Variants in SDK1 observed in about 807,000 individuals in gnomAD.
SDK1 encodes the protein sidekick cell adhesion molecule 1, also known as protein sidekick-1.
A neutral mutation model predicts 245.5 loss-of-function variants in SDK1; 157 were observed. The observed-to-expected ratio is 0.64, with a 90% CI of 0.56 to 0.73. SDK1 has a LOEUF of 0.73. SDK1 is among the 30% of genes least tolerant of loss of function. The probability of loss-of-function intolerance (pLI) is 0.00; values close to 1 mark genes in which losing one functional copy is unlikely to be tolerated. For missense variants in SDK1, 3,583 were observed against 3,002.3 expected (o/e 1.19, Z -4.52); for synonymous variants, 1,647 against 1,278.5 (o/e 1.29, Z -6.15).
chr7:3,355,274 C>T (rs1780760467), intron 1 of SDK1, among the ~76,000 whole-genome samples: 1 of 152,200 alleles, frequency 6.6e-6, no homozygotes, highest in Non-Finnish European at 1.5e-5. Context: ...TAAAATGTAG[C>T]TATCCACTGA....
In SDK1 at chr7:4,208,238, G is replaced by A. The variant is rs368890852; in HGVS notation, c.5354G>A (p.Gly1785Glu). 3 of 1,614,038 alleles carry A rather than the reference G, an allele frequency of 1.9e-6. No homozygotes were observed. The highest frequency in any genetic ancestry group is 4.5e-5 in the East Asian group (2 of 44,878). ...LVSISAFNAAGDGPKSDPQQG... is the reference protein window; with the variant it reads ...LVSISAFNAAEDGPKSDPQQG... ...AGCATATCAGCCTTCAACGCCGCCG[G>A]AGATGGACCTAAGAGTGACCCCCAG... The change falls in exon 37 of 45, where the codon GGA becomes GAA. Residue 1785 changes from glycine to glutamate, a missense_variant. By Grantham distance (98) the Gly-to-Glu change is moderately conservative (BLOSUM62 -2). Coordinates refer to ENST00000404826, the MANE Select transcript of SDK1 (RefSeq NM_152744.4).
chr7:4,133,377 G>A (rs757038641), intron 28 of SDK1, among the ~76,000 whole-genome samples: 1 of 152,212 alleles, frequency 6.6e-6, no homozygotes, highest in East Asian at 1.9e-4. Context: ...ATGTACAGTG[G>A]GGGGTGAGGA....
intron 38 of SDK1, among the ~76,000 whole-genome samples, chr7:4,211,062 G>A (rs148911205): frequency 0.013 from 2,023 of 152,248 alleles, 23 homozygotes; most frequent in Middle Eastern, 0.024. Context: ...CACAGCACAC[G>A]GGGCTATGGC....
In SDK1 at chr7:3,560,884, C is replaced by T. The variant is rs1026477161; in HGVS notation, c.299-58196C>T. The stretch of plus-strand genomic sequence containing the variant: ...GCTCTTCCCGAAGGTGTCCAGATGG[C>T]TGTTTCCTACACTTCCTTTGAGTCT... On this transcript the variant is annotated intron_variant, in intron 1 of 44. Coordinates refer to ENST00000404826, the MANE Select transcript of SDK1 (RefSeq NM_152744.4). Among the ~76,000 whole-genome samples the T allele has an allele frequency of 7.2e-5, 11 of 152,332 alleles. No individual in the cohort carries two copies. In the Middle Eastern group the frequency reaches 0.01, roughly 141 times the overall value.
intron 1 of SDK1, among the ~76,000 whole-genome samples, chr7:3,536,299 C>G (rs1457451793): frequency 6.6e-6 from 1 of 151,932 alleles, no homozygotes; most frequent in African/African-American, 2.4e-5. Flanking sequence ...ATCTCCTGAC[C>G]TTGTGATCTG....
chr7:3,562,132 AATAGAACTT>A (rs1779769780), intron 1 of SDK1, among the ~76,000 whole-genome samples: 1 of 152,172 alleles, frequency 6.6e-6, no homozygotes, highest in Non-Finnish European at 1.5e-5. Flanking sequence ...TCACCTGGGG[AATAGAACTT>A]GGATGTTTCG....
At chr7:3,463,823 G>T (rs186375519) in intron 1 of SDK1, among the ~76,000 whole-genome samples, 6 of 152,156 alleles carry the variant, frequency 3.9e-5, no homozygotes, top group African/African-American at 1.4e-4. Flanking sequence ...ACAGGCCATA[G>T]GAGGAGGGTC....
intron 5 of SDK1, among the ~76,000 whole-genome samples, chr7:3,895,641 T>C (rs1284914167): frequency 7.2e-6 from 1 of 139,322 alleles, no homozygotes; most frequent in Non-Finnish European, 1.5e-5. Flanking sequence ...CTTCTTCTTC[T>C]TCCTCTTCTT....
At chr7:3,966,008 C>T (rs1031517813) in intron 9 of SDK1, among the ~76,000 whole-genome samples, 1 of 151,606 alleles carries the variant, frequency 6.6e-6, no homozygotes, top group Non-Finnish European at 1.5e-5. Flanking sequence ...GGGCAGAGGC[C>T]GAGAACAGGA....
At chr7:3,909,000 C>T (rs533758142) in intron 5 of SDK1, among the ~76,000 whole-genome samples, 2 of 152,264 alleles carry the variant, frequency 1.3e-5, no homozygotes, top group African/African-American at 2.4e-5. Flanking sequence ...TGGCTGCCCC[C>T]TGCTCAAGTG....
At chr7:3,596,767 G>C (rs1200876017) in intron 1 of SDK1, among the ~76,000 whole-genome samples, 1 of 152,166 alleles carries the variant, frequency 6.6e-6, no homozygotes, top group African/African-American at 2.4e-5. Flanking sequence ...ACTAATTCTG[G>C]AATCAGAAGC....
chr7:3,479,415 G>C (rs7780621), intron 1 of SDK1, among the ~76,000 whole-genome samples: 77,671 of 123,984 alleles, frequency 0.63, 23,744 homozygotes, highest in South Asian at 0.75. Context: ...GGGTGAGACT[G>C]TGTCTCAAAA....
chr7:3,711,687 A>G (rs1410066562), intron 4 of SDK1, among the ~76,000 whole-genome samples: 1 of 152,194 alleles, frequency 6.6e-6, no homozygotes, highest in Non-Finnish European at 1.5e-5. Flanking sequence ...CTGTGGCTGT[A>G]GTATCATAAG....
chr7:3,527,383 G>C (rs1271620734), intron 1 of SDK1, among the ~76,000 whole-genome samples: 1 of 152,134 alleles, frequency 6.6e-6, no homozygotes, highest in African/African-American at 2.4e-5. Flanking sequence ...CATGTGCTGT[G>C]GTCATGGAAG....
chr7:3,779,263 A>G (rs1349339528), intron 4 of SDK1, among the ~76,000 whole-genome samples: 1 of 152,216 alleles, frequency 6.6e-6, no homozygotes. Context: ...TCAGAAAGCA[A>G]TTACGTTAGG....
chr7:4,088,119 A>G (rs941476291), intron 22 of SDK1, among the ~76,000 whole-genome samples: 3 of 152,204 alleles, frequency 2.0e-5, no homozygotes, highest in Non-Finnish European at 2.9e-5. Context: ...CAAGCCATGA[A>G]GCCGGATTGG....
At chr7:3,414,715 C>T (rs866719940) in intron 1 of SDK1, among the ~76,000 whole-genome samples, 1 of 152,332 alleles carries the variant, frequency 6.6e-6, no homozygotes, top group African/African-American at 2.4e-5. Context: ...CCCCAGAAAG[C>T]AACCCTGCGC....
chr7:4,203,317 A>T (rs1562427006), intron 35 of SDK1, among the ~76,000 whole-genome samples: 1 of 152,168 alleles, frequency 6.6e-6, no homozygotes, highest in Non-Finnish European at 1.5e-5. Flanking sequence ...CCCAGGCCGC[A>T]GAGGCCCCCT....
At chr7:3,990,878 G>T (rs1382203868) in intron 14 of SDK1, among the ~76,000 whole-genome samples, 1 of 152,234 alleles carries the variant, frequency 6.6e-6, no homozygotes, top group Non-Finnish European at 1.5e-5. Flanking sequence ...CTGATGGCAT[G>T]ACTGGCTCCT....
Sources: allele counts gnomAD v4.1 joint callset (sites outside exome capture counted in the v4.1 genomes callset), GRCh38; gene constraint gnomAD v4.1.1; transcripts MANE v1.5; gene names NCBI Gene and HGNC (gene_info 2026-07-23, HGNC 2026-07-21).